NLRP4: variants seen among roughly 807,000 people sequenced by gnomAD.
NLRP4 encodes the protein NACHT, LRR and PYD domains-containing protein 4.
Under a neutral mutation model 84.7 loss-of-function variants are expected in NLRP4, and 44 were observed. The ratio of observed to expected loss-of-function variants is 0.52; its 90% CI spans 0.41 to 0.67. NLRP4 has a LOEUF of 0.67. Ranked by LOEUF, NLRP4 falls within the 30% of genes least tolerant of loss-of-function variation. The pLI is 0.00. For missense variants in NLRP4, 1,260 were observed against 1,219.4 expected (o/e 1.03, Z -0.50); for synonymous variants, 544 against 476.4 (o/e 1.14, Z -1.85).
At chr19:55,869,216 T>C (rs1985077322) in intron 6 of NLRP4, among the ~76,000 whole-genome samples, 1 of 151,900 alleles carries the variant, frequency 6.6e-6, no homozygotes, top group Non-Finnish European at 1.5e-5. Context: ...AAAAATTAGC[T>C]GGGTTTGGTG....
At chr19:55,871,082 A>T (rs546486041) in intron 7 of NLRP4, 85 bp downstream of exon 7, 5 of 1,189,746 alleles carry the variant, frequency 4.2e-6, no homozygotes, top group Non-Finnish European at 4.9e-6. Flanking sequence ...GAATTGAGGA[A>T]GGCTGTAGTG....
chr19:55,849,175 A>G (rs1052510891), intron 1 of NLRP4, among the ~76,000 whole-genome samples: 1 of 152,150 alleles, frequency 6.6e-6, no homozygotes, highest in Non-Finnish European at 1.5e-5. Flanking sequence ...GCTACTTGGA[A>G]TTCTTCTTCT....
chr19:55,857,213 G>A (rs1984468585), intron 2 of NLRP4, among the ~76,000 whole-genome samples: 2 of 152,118 alleles, frequency 1.3e-5, no homozygotes, highest in South Asian at 4.1e-4. Flanking sequence ...ACCTGTGTAT[G>A]TGTCTATTGA....
intron 1 of NLRP4, among the ~76,000 whole-genome samples, chr19:55,837,236 T>C (rs1983362581): frequency 6.6e-6 from 1 of 151,826 alleles, no homozygotes; most frequent in South Asian, 2.1e-4. Flanking sequence ...AGGGAGAGGG[T>C]CAGGAAAAGA....
rs774809765 is a variant in NLRP4 at position 55,870,957 on chromosome 19, G to A, written c.2485G>A (p.Glu829Lys). ...LKDEGLKTLCEALKHPDCCLD... is the reference protein window; with the variant it reads ...LKDEGLKTLCKALKHPDCCLD... ...GGACGAAGGACTGAAAACTCTCTGC[G>A]AGGCCTTGAAACATCCGGACTGCTG... The change falls in exon 7 of 10, where the codon GAG becomes AAG. Residue 829 changes from glutamate (E) to lysine (K), a missense_variant. Physicochemically the swap from Glu to Lys is moderately conservative, Grantham distance 56. This residue lies in a region of NLRP4 where 544 missense variants were observed against 531.7 expected (regional missense o/e 1.02). Coordinates refer to ENST00000301295, the MANE Select transcript of NLRP4 (RefSeq NM_134444.5). 7.4e-6 allele frequency: 12 copies of A among 1,614,040 alleles called. No individual in the cohort carries two copies. The highest frequency in any genetic ancestry group is 2.7e-5 in the African/African-American group (2 of 74,930).
chr19:55,845,650 A>G (rs28775284), intron 1 of NLRP4, among the ~76,000 whole-genome samples: 5,548 of 151,552 alleles, frequency 0.037, 240 homozygotes, highest in Middle Eastern at 0.13. Flanking sequence ...CCAACAGTGT[A>G]AAAGTGTTCC....
Position 55,877,045 on chromosome 19 carries a change from G to A in NLRP4, c.2575G>A (p.Ala859Thr), listed in dbSNP as rs111526744. The A allele has an allele frequency of 3.7e-3, 5,911 of 1,613,984 alleles. 21 individuals carry two copies. The highest frequency in any genetic ancestry group is 3.6e-3 in the Non-Finnish European group (4,282 of 1,179,912). ...TGCTGGCTGTGAAGACCTCGCCTCT[G>A]CTCTCATCAGCAATCAAAACCTGAA... ...TAAGCEDLAS[A>T]LISNQNLKIL... Residue 859 changes from alanine (A) to threonine (T), a missense_variant, in exon 8 of 10, where the codon GCT becomes ACT. Physicochemically the swap from Ala to Thr is moderately conservative, Grantham distance 58. This residue lies in a region of NLRP4 where 544 missense variants were observed against 531.7 expected (regional missense o/e 1.02). Transcript: ENST00000301295.
chr19:55,838,955 GT>G (rs57691669), intron 1 of NLRP4, among the ~76,000 whole-genome samples: 2,447 of 144,520 alleles, frequency 0.017, 43 homozygotes, highest in African/African-American at 0.053. Flanking sequence ...CACTAAGCCT[GT>G]TTTTTTTTTT....
At position 55,852,131 on chromosome 19, in the gene NLRP4, G is replaced by A. The variant is rs770520220; in HGVS notation, c.51G>A (p.Glu17=). 1 of 1,607,168 alleles carries A rather than the reference G, an allele frequency of 6.2e-7. No homozygotes were observed. The change falls in exon 2 of 10, where the codon GAG becomes GAA. Residue 17 remains glutamate, a synonymous_variant. Coordinates refer to ENST00000301295, the MANE Select transcript of NLRP4 (RefSeq NM_134444.5). The part of the protein sequence containing the change: ...SDFGLMWYLE[E]LKKEEFRKFK... ...TTGGTCTTATGTGGTATCTGGAGGA[G>A]CTCAAAAAGGAGGAGTTCAGGAAAT...
At chr19:55,838,707 T>C (rs1013773744) in intron 1 of NLRP4, among the ~76,000 whole-genome samples, 21 of 152,202 alleles carry the variant, frequency 1.4e-4, no homozygotes, top group African/African-American at 4.8e-4. Context: ...ATAAGTATTT[T>C]TCCTGATCTG....
At chr19:55,864,947 T>C (rs1245023865) in intron 5 of NLRP4, among the ~76,000 whole-genome samples, 2 of 152,174 alleles carry the variant, frequency 1.3e-5, no homozygotes, top group Admixed American at 6.5e-5. Context: ...CATTCAGGGG[T>C]ACAGGTTTTT....
At chr19:55,877,317 G>A (rs1285331500) in intron 8 of NLRP4, 151 bp downstream of exon 8, 1 of 713,520 alleles carries the variant, frequency 1.4e-6, no homozygotes, top group Non-Finnish European at 2.3e-6. Flanking sequence ...AGGGCTTAAG[G>A]CAATGAGAAG....
intron 3 of NLRP4, among the ~76,000 whole-genome samples, chr19:55,859,450 G>A (rs559793692): frequency 6.6e-6 from 1 of 152,258 alleles, no homozygotes; most frequent in African/African-American, 2.4e-5. Context: ...GGCTGCAGTG[G>A]CCCCATTACA....
intron 1 of NLRP4, among the ~76,000 whole-genome samples, chr19:55,841,249 G>A (rs772036844): frequency 3.9e-5 from 6 of 152,206 alleles, no homozygotes; most frequent in Non-Finnish European, 8.8e-5. Context: ...AACTGTAAGC[G>A]TGCCTGTTGA....
At position 55,852,131 on chromosome 19, in the gene NLRP4, G is replaced by C. The variant is rs770520220; in HGVS notation, c.51G>C (p.Glu17Asp). ...SDFGLMWYLE[E>D]LKKEEFRKFK... ...TTGGTCTTATGTGGTATCTGGAGGA[G>C]CTCAAAAAGGAGGAGTTCAGGAAAT... Residue 17 changes from glutamate to aspartate, a missense_variant, in exon 2 of 10, where the codon GAG becomes GAC. By Grantham distance (45) the Glu-to-Asp change is conservative. Around this residue, in one of 3 missense-constraint regions of NLRP4, gnomAD observed 712 missense variants for 669.2 expected, o/e 1.06. Transcript: ENST00000301295. 4 of 1,607,168 alleles carry C rather than the reference G, an allele frequency of 2.5e-6. No individual in the cohort carries two copies. Among genetic ancestry groups the C allele is most frequent in the Non-Finnish European group, 3.4e-6 (4 of 1,177,838 alleles).
intron 9 of NLRP4, among the ~76,000 whole-genome samples, chr19:55,879,730 AATG>A (rs1209636774): frequency 6.6e-6 from 1 of 152,216 alleles, no homozygotes; most frequent in East Asian, 1.9e-4. Context: ...TTAGAAAAGA[AATG>A]ATTTCTTGGG....
rs1568658099 is a variant in NLRP4 at position 55,849,934 on chromosome 19, G to GA, written c.-65-2082_-65-2081insA. ...CCGTAGCCGCGGTGTAATTTCCGTA[G>GA]CCGCGGTGTAATTTCCGAGACTGCG... On this transcript the variant is annotated intron_variant, in intron 1 of 9. Coordinates refer to ENST00000301295, the MANE Select transcript of NLRP4 (RefSeq NM_134444.5). Among the ~76,000 whole-genome samples, 365 of 126,270 alleles carry GA rather than the reference G, an allele frequency of 2.9e-3. 8 individuals are homozygous for GA. Among genetic ancestry groups the GA allele is most frequent in the Admixed American group, 4.4e-3 (57 of 13,050 alleles). 82.8% of individuals were successfully genotyped at this position (126,270 alleles called of 152,430 possible).
rs189299553 is a variant in NLRP4, at chr19:55,881,592, G to A, written c.*5G>A. 17 of 1,414,150 alleles carry A rather than the reference G, an allele frequency of 1.2e-5. No homozygotes were observed. Among genetic ancestry groups the A allele is most frequent in the East Asian group, 2.3e-5 (1 of 43,942 alleles). 87.6% of individuals were successfully genotyped at this position (1,414,150 alleles called of 1,614,324 possible). ...ATCACAAGGGTAGAGATCTGATTGC[G>A]AGGAACCTGGGCTCTGACTCGAACA... On this transcript the variant is annotated 3_prime_UTR_variant, in exon 10 of 10. Transcript: ENST00000301295.
rs547757533 is a variant in NLRP4 at position 55,861,931 on chromosome 19, A to T, written c.2019-61A>T. On this transcript the variant is annotated intron_variant, in intron 4 of 9. Coordinates refer to ENST00000301295, the MANE Select transcript of NLRP4 (RefSeq NM_134444.5). ...ATGATGGATGATGAGAGACAAACACAGGTGTGCAGGCTGTGCTCCCATTAG... is the reference window on the plus strand; with the variant it reads ...ATGATGGATGATGAGAGACAAACACTGGTGTGCAGGCTGTGCTCCCATTAG... 5 of 1,079,354 alleles carry T rather than the reference A, an allele frequency of 4.6e-6. No homozygotes were observed. In the Admixed American group the frequency reaches 8.6e-5, roughly 19 times the overall value. The allele number at this position is 1,079,354 out of a possible 1,614,324, so 66.9% of individuals were successfully genotyped here. A position where few individuals can be genotyped will look rare whatever the true frequency, so the allele number is the denominator to read the frequency against.
Sources: gnomAD v4.1 joint callset for allele counts (sites outside exome capture counted in the v4.1 genomes callset) on GRCh38, gnomAD v4.1.1 for gene constraint, gnomAD v4.1.1 regional missense constraint, MANE v1.5 for transcripts, NCBI Gene and HGNC (gene_info 2026-07-23, HGNC 2026-07-21) for gene names.